Variants in PTPRO observed in about 807,000 individuals in gnomAD.
The protein encoded by PTPRO is protein tyrosine phosphatase receptor type O.
A neutral mutation model predicts 145.2 loss-of-function variants in PTPRO; 62 were observed. That is an observed-to-expected ratio of 0.43 (90% CI 0.35 to 0.53). The LOEUF is 0.53. Ranked by LOEUF, PTPRO falls within the 20% of genes least tolerant of loss-of-function variation. The probability of loss-of-function intolerance (pLI) is 0.01; values close to 1 mark genes in which losing one functional copy is unlikely to be tolerated. For synonymous variants in PTPRO, 565 were observed against 514.7 expected, an observed-to-expected ratio of 1.10 and a Z score of -1.32; for missense variants, 1,345 against 1,482.7, an observed-to-expected ratio of 0.91 and a Z score of 1.53.
chr12:15,398,495 A>AC (rs1367993306), intron 1 of PTPRO, among the ~76,000 whole-genome samples: 1 of 151,968 alleles, frequency 6.6e-6, no homozygotes, highest in Non-Finnish European at 1.5e-5. Context: ...AAAAAAAAAA[A>AC]CAACTCTCCG....
intron 1 of PTPRO, among the ~76,000 whole-genome samples, chr12:15,455,049 T>A (rs1392893985): frequency 1.3e-5 from 2 of 152,218 alleles, no homozygotes; most frequent in Non-Finnish European, 2.9e-5. Flanking sequence ...CTTTGGCTAT[T>A]CAGAATCCTA....
intron 1 of PTPRO, among the ~76,000 whole-genome samples, chr12:15,374,010 AT>A (rs1350872329): frequency 6.6e-6 from 1 of 152,168 alleles, no homozygotes; most frequent in East Asian, 1.9e-4. Context: ...TCAAAGAACA[AT>A]TGGTTTAAGA....
At chr12:15,440,892 TAGAC>T (rs1220223898) in intron 1 of PTPRO, among the ~76,000 whole-genome samples, 1 of 152,172 alleles carries the variant, frequency 6.6e-6, no homozygotes, top group African/African-American at 2.4e-5. Context: ...CTAAAAGACT[TAGAC>T]AGCCACACAA....
At chr12:15,488,356 T>G (rs1480483998) in intron 2 of PTPRO, among the ~76,000 whole-genome samples, 1 of 152,190 alleles carries the variant, frequency 6.6e-6, no homozygotes, top group African/African-American at 2.4e-5. Context: ...TTCTGTGACA[T>G]TAGGCATGAG....
intron 1 of PTPRO, among the ~76,000 whole-genome samples, chr12:15,366,314 T>G (rs1463266328): frequency 6.6e-6 from 1 of 152,026 alleles, no homozygotes; most frequent in Non-Finnish European, 1.5e-5. Context: ...CAATGACATT[T>G]AATACTTAAG....
chr12:15,515,332 A>G (rs1942554023), intron 7 of PTPRO, among the ~76,000 whole-genome samples, 166 bp from the exon 8 acceptor site: 1 of 152,210 alleles, frequency 6.6e-6, no homozygotes, highest in African/African-American at 2.4e-5. Context: ...ATGTTCACAT[A>G]AACTATAAAT....
At chr12:15,446,607 C>A (rs965962901) in intron 1 of PTPRO, among the ~76,000 whole-genome samples, 38 of 151,724 alleles carry the variant, frequency 2.5e-4, no homozygotes, top group African/African-American at 8.5e-4. Flanking sequence ...GAATAAAATT[C>A]CATAGGGAAT....
intron 1 of PTPRO, among the ~76,000 whole-genome samples, chr12:15,409,312 A>G (rs1180760858): frequency 3.9e-5 from 6 of 152,148 alleles, no homozygotes; most frequent in Admixed American, 1.3e-4. Flanking sequence ...AGACCATCAT[A>G]TGTTGGTCCC....
At position 15,551,637 on chromosome 12, in the gene PTPRO, A is replaced by C. The variant is rs769048447; in HGVS notation, c.2524A>C (p.Ile842Leu). 1.2e-6 allele frequency: 2 copies of C among 1,613,648 alleles called. No homozygotes were observed. The highest frequency in any genetic ancestry group is 1.1e-5 in the South Asian group (1 of 91,066). ...LLIGLLLVTL[I>L]ILRKKHLQMA... ...AATTGGACTGTTGCTTGTTACCCTC[A>C]TTATTCTTAGGAAAAAGCATCTGCA... The change falls in exon 15 of 27, where the codon ATT (isoleucine) becomes CTT (leucine). Residue 842 changes from isoleucine (I) to leucine (L), a missense_variant. Transcript: ENST00000281171.
chr12:15,325,398 A>G (rs1450446357), intron 1 of PTPRO, among the ~76,000 whole-genome samples: 4 of 152,202 alleles, frequency 2.6e-5, no homozygotes, highest in Non-Finnish European at 4.4e-5. Context: ...TTATCCATGG[A>G]GCAGTGATGA....
At chr12:15,412,331 T>A (rs1395829810) in intron 1 of PTPRO, among the ~76,000 whole-genome samples, 1 of 152,254 alleles carries the variant, frequency 6.6e-6, no homozygotes, top group Non-Finnish European at 1.5e-5. Context: ...ATAAAATTCT[T>A]TTTTATTAAC....
intron 12 of PTPRO, among the ~76,000 whole-genome samples, chr12:15,541,680 C>T (rs1314891410): frequency 3.3e-5 from 5 of 152,150 alleles, no homozygotes; most frequent in East Asian, 1.9e-4. Context: ...GATTAGAGCA[C>T]GTGCTAACAG....
chr12:15,400,255 T>C (rs1939454618), intron 1 of PTPRO, among the ~76,000 whole-genome samples: 1 of 151,874 alleles, frequency 6.6e-6, no homozygotes, highest in African/African-American at 2.4e-5. Context: ...CCTCCCAACG[T>C]GCTGAGATTA....
intron 1 of PTPRO, among the ~76,000 whole-genome samples, chr12:15,448,247 T>A (rs1188228054): frequency 6.7e-6 from 1 of 148,878 alleles, no homozygotes; most frequent in Non-Finnish European, 1.5e-5. Context: ...TTTTTCCTAA[T>A]ACTAGGAACT....
chr12:15,364,955 A>T (rs1261321732), intron 1 of PTPRO, among the ~76,000 whole-genome samples: 1 of 152,116 alleles, frequency 6.6e-6, no homozygotes, highest in Non-Finnish European at 1.5e-5. Flanking sequence ...GCCATTTTTA[A>T]TGGGTTGATT....
chr12:15,566,152 T>C (rs1276970869), intron 18 of PTPRO, among the ~76,000 whole-genome samples: 1 of 152,206 alleles, frequency 6.6e-6, no homozygotes, highest in Non-Finnish European at 1.5e-5. Flanking sequence ...AGAATTACTA[T>C]TGTGGTAAGT....
chr12:15,546,809 A>G, intron 13 of PTPRO, 101 bp downstream of exon 13: 2 of 1,506,040 alleles, frequency 1.3e-6, no homozygotes, highest in South Asian at 2.3e-5. Flanking sequence ...TATAAAATGA[A>G]AACTGTTTAT....
chr12:15,451,224 TA>T lies in PTPRO; in HGVS notation c.76-32742del, dbSNP rs527999411. On this transcript the variant is annotated intron_variant, in intron 1 of 26. Coordinates refer to ENST00000281171, the MANE Select transcript of PTPRO (RefSeq NM_030667.3). ...AAAGCAAACTTTAAAGCAACAATGT[TA>T]AAAAAAATAAAGAGAAACATTATAT... Among the ~76,000 whole-genome samples, 8 of 151,556 alleles carry T rather than the reference TA, an allele frequency of 5.3e-5. No individual in the cohort carries two copies. The East Asian group carries it at 9.7e-4, about 18-fold the overall frequency.
intron 1 of PTPRO, among the ~76,000 whole-genome samples, chr12:15,415,598 G>A (rs960501328): frequency 2.0e-5 from 3 of 151,498 alleles, no homozygotes; most frequent in African/African-American, 4.9e-5. Flanking sequence ...TGTTAGCCAG[G>A]ATGGTCTCGA....
Sources: gnomAD v4.1 joint callset for allele counts (sites outside exome capture counted in the v4.1 genomes callset) on GRCh38, gnomAD v4.1.1 for gene constraint, MANE v1.5 for transcripts, NCBI Gene and HGNC (gene_info 2026-07-23, HGNC 2026-07-21) for gene names.